The following GABBR2 variants were observed in gnomAD, a reference collection of about 807,000 sequenced individuals.
The protein encoded by GABBR2 is G-protein coupled receptor 51.
Under a neutral mutation model 105.6 loss-of-function variants are expected in GABBR2, and 23 were observed. The observed-to-expected ratio is 0.22, with a 90% CI of 0.16 to 0.31. The LOEUF is 0.31. Among genes scored for constraint, GABBR2 ranks in the 10% least tolerant of loss-of-function variants. The pLI is 1.00. For synonymous variants in GABBR2, 478 were observed against 499.7 expected, an observed-to-expected ratio of 0.96 and a Z score of 0.58; for missense variants, 734 against 1,245.5, an observed-to-expected ratio of 0.59 and a Z score of 6.18.
At chr9:98,324,529 CA>C (rs1830885561) in intron 13 of GABBR2, among the ~76,000 whole-genome samples, 1 of 107,892 alleles carries the variant, frequency 9.3e-6, no homozygotes, top group Non-Finnish European at 2.0e-5. Flanking sequence ...CACACACACA[CA>C]CACACACACA....
chr9:98,511,749 A>G (rs1359441699), intron 3 of GABBR2, among the ~76,000 whole-genome samples: 1 of 152,256 alleles, frequency 6.6e-6, no homozygotes, highest in African/African-American at 2.4e-5. Context: ...AGGCTCTGAA[A>G]TTGAGGCAAT....
chr9:98,392,319 A>C (rs1343327886), intron 9 of GABBR2, among the ~76,000 whole-genome samples: 1 of 152,176 alleles, frequency 6.6e-6, no homozygotes, highest in Non-Finnish European at 1.5e-5. Flanking sequence ...CTTTTCTTCA[A>C]TTCGTAAACC....
intron 3 of GABBR2, among the ~76,000 whole-genome samples, chr9:98,524,950 T>C (rs886626416): frequency 9.8e-5 from 15 of 152,292 alleles, no homozygotes; most frequent in Admixed American, 4.6e-4. Context: ...CCTGGAACAA[T>C]TGAATAGCTT....
chr9:98,482,261 T>C (rs1001944110), intron 4 of GABBR2, among the ~76,000 whole-genome samples: 3 of 152,228 alleles, frequency 2.0e-5, no homozygotes, highest in Non-Finnish European at 4.4e-5. Context: ...ATTTTACTCA[T>C]CATGTACTTT....
At chr9:98,464,281 C>G (rs1172616786) in intron 6 of GABBR2, among the ~76,000 whole-genome samples, 1 of 150,412 alleles carries the variant, frequency 6.6e-6, no homozygotes, top group Admixed American at 6.6e-5. Context: ...CTCTTCCCGG[C>G]CGCCCCGTCT....
chr9:98,402,921 C>T (rs1832419784), intron 8 of GABBR2, among the ~76,000 whole-genome samples: 1 of 152,010 alleles, frequency 6.6e-6, no homozygotes, highest in African/African-American at 2.4e-5. Flanking sequence ...ACGCATATGC[C>T]CCCTGCATTC....
chr9:98,702,799 C>T (rs1830848105), intron 1 of GABBR2, among the ~76,000 whole-genome samples: 1 of 152,180 alleles, frequency 6.6e-6, no homozygotes, highest in South Asian at 2.1e-4. Context: ...TCTCTTAATG[C>T]CCCTGGCTTC....
intron 13 of GABBR2, 183 bp downstream of exon 13, chr9:98,362,532 A>G (rs1057057555): frequency 1.1e-5 from 4 of 374,724 alleles, no homozygotes; most frequent in African/African-American, 2.1e-5. Context: ...ATTAAAATCA[A>G]CTTCTTTCAC....
At chr9:98,559,318 T>C (rs969214851) in intron 2 of GABBR2, among the ~76,000 whole-genome samples, 4 of 152,114 alleles carry the variant, frequency 2.6e-5, no homozygotes, top group South Asian at 4.1e-4. Flanking sequence ...TTAGTAGAGA[T>C]GGGGTTTCGC....
At chr9:98,587,440 T>G (rs1403997972) in intron 1 of GABBR2, among the ~76,000 whole-genome samples, 1 of 152,096 alleles carries the variant, frequency 6.6e-6, no homozygotes, top group South Asian at 2.1e-4. Context: ...ACACCGACAA[T>G]CCTTCCTTGG....
At chr9:98,706,109 C>CAAAAAAAAAAAAA (rs3983388) in intron 1 of GABBR2, among the ~76,000 whole-genome samples, 3 of 136,994 alleles carry the variant, frequency 2.2e-5, no homozygotes, top group Admixed American at 7.1e-5. Flanking sequence ...ACAAAAAAAA[C>CAAAAAAAAAAAAA]AAAAAAAAAA....
intron 4 of GABBR2, among the ~76,000 whole-genome samples, 197 bp from the exon 5 acceptor site, chr9:98,481,194 T>A (rs1426061277): frequency 6.6e-6 from 1 of 152,200 alleles, no homozygotes; most frequent in Non-Finnish European, 1.5e-5. Flanking sequence ...CTGGCTTTCC[T>A]GTGGCTCCTG....
intron 11 of GABBR2, among the ~76,000 whole-genome samples, chr9:98,381,223 C>T (rs1831969200): frequency 6.6e-6 from 1 of 152,218 alleles, no homozygotes; most frequent in Non-Finnish European, 1.5e-5. Flanking sequence ...CTGTTATGCT[C>T]ATTTTACAGA....
intron 1 of GABBR2, chr9:98,608,013 G>T: frequency 7.8e-7 from 1 of 1,287,958 alleles, no homozygotes; most frequent in Non-Finnish European, 1.1e-6. Flanking sequence ...TAAACAATTA[G>T]AGGAAAAACG....
chr9:98,557,407 G>A (rs1048354602), intron 2 of GABBR2, among the ~76,000 whole-genome samples: 1 of 152,208 alleles, frequency 6.6e-6, no homozygotes, highest in Non-Finnish European at 1.5e-5. Flanking sequence ...GAATGCAGAG[G>A]GAGCAAACTT....
chr9:98,413,944 A>G (rs1564058355), intron 7 of GABBR2, among the ~76,000 whole-genome samples: 1 of 152,242 alleles, frequency 6.6e-6, no homozygotes, highest in African/African-American at 2.4e-5. Context: ...GGAAAAGTGA[A>G]GTAAATTTTA....
intron 1 of GABBR2, among the ~76,000 whole-genome samples, chr9:98,673,155 G>T (rs1830426102): frequency 6.6e-6 from 1 of 152,170 alleles, no homozygotes; most frequent in South Asian, 2.1e-4. Flanking sequence ...CTCTGGCAAG[G>T]TACATCCTGG....
At chr9:98,579,836 T>C (rs1828974801) in intron 1 of GABBR2, among the ~76,000 whole-genome samples, 1 of 152,048 alleles carries the variant, frequency 6.6e-6, no homozygotes, top group Non-Finnish European at 1.5e-5. Flanking sequence ...AGAAAGAAAA[T>C]CACTGAAAAT....
At chr9:98,509,699 G>A (rs1382915396) in intron 3 of GABBR2, among the ~76,000 whole-genome samples, 3 of 152,186 alleles carry the variant, frequency 2.0e-5, no homozygotes, top group Non-Finnish European at 4.4e-5. Context: ...ATGAAATGAA[G>A]TGAGAAGAGA....
Sources: allele counts gnomAD v4.1 joint callset (sites outside exome capture counted in the v4.1 genomes callset), GRCh38; gene constraint gnomAD v4.1.1; transcripts MANE v1.5; gene names NCBI Gene and HGNC (gene_info 2026-07-23, HGNC 2026-07-21).